NAV2: variants seen among roughly 807,000 people sequenced by gnomAD.
NAV2 encodes the protein helicase, APC down-regulated 1.
NAV2 carries 54 observed loss-of-function variants against 223.2 expected under a neutral mutation model. That is an observed-to-expected ratio of 0.24 (90% CI 0.19 to 0.30). The LOEUF (loss-of-function observed/expected upper bound fraction) is 0.30. NAV2 is among the 10% of genes least tolerant of loss of function. The probability of loss-of-function intolerance (pLI) is 1.00; values close to 1 mark genes in which losing one functional copy is unlikely to be tolerated. For synonymous variants in NAV2, 1,279 were observed against 1,239.3 expected, an observed-to-expected ratio of 1.03 and a Z score of -0.67; for missense variants, 2,806 against 3,147.5, an observed-to-expected ratio of 0.89 and a Z score of 2.60.
chr11:19,515,538 C>G (rs2043419867), intron 1 of NAV2, among the ~76,000 whole-genome samples: 1 of 152,182 alleles, frequency 6.6e-6, no homozygotes, highest in African/African-American at 2.4e-5. Flanking sequence ...TCCAATATAA[C>G]TTTCCAGTTT....
intron 1 of NAV2, among the ~76,000 whole-genome samples, chr11:19,428,127 GT>G (rs1850905757): frequency 6.6e-6 from 1 of 152,048 alleles, no homozygotes; most frequent in Non-Finnish European, 1.5e-5. Context: ...TTACAAATAC[GT>G]TTAAATCTTT....
At position 19,676,493 on chromosome 11, in the gene NAV2, A is replaced by T. The variant is rs564984386; in HGVS notation, c.76-155991A>T. Among the ~76,000 whole-genome samples, 859 of 141,692 alleles carry T rather than the reference A, an allele frequency of 6.1e-3. 6 individuals carry two copies. Among genetic ancestry groups the T allele is most frequent in the Non-Finnish European group, 0.01 (658 of 63,490 alleles). The allele number at this position is 141,692 out of a possible 152,430, so 93.0% of individuals were successfully genotyped here. On this transcript the variant is annotated intron_variant, in intron 1 of 37. Coordinates refer to the NAV2 transcript ENST00000360655. ...CTTACCTCTCCCTGAAAAAAAAAAA[A>T]TTTTTAGAAAGCAATTTCTGTGGCA...
At chr11:19,549,915 G>A (rs530716527) in intron 1 of NAV2, among the ~76,000 whole-genome samples, 1 of 152,340 alleles carries the variant, frequency 6.6e-6, no homozygotes, top group South Asian at 2.1e-4. Context: ...CTCTGGAGGG[G>A]CCCATTAACA....
At chr11:19,578,188 T>C (rs1437629779) in intron 1 of NAV2, among the ~76,000 whole-genome samples, 1 of 152,254 alleles carries the variant, frequency 6.6e-6, no homozygotes, top group Non-Finnish European at 1.5e-5. Flanking sequence ...AGAGTGCCTC[T>C]GCCTCCTCCG....
At chr11:19,706,054 T>A (rs1010372079) in intron 1 of NAV2, among the ~76,000 whole-genome samples, 1 of 152,244 alleles carries the variant, frequency 6.6e-6, no homozygotes, top group Non-Finnish European at 1.5e-5. Flanking sequence ...ATCTCAGACT[T>A]GGCACTAATA....
intron 1 of NAV2, among the ~76,000 whole-genome samples, chr11:19,401,258 C>A (rs1849673491): frequency 6.6e-6 from 1 of 152,130 alleles, no homozygotes; most frequent in Non-Finnish European, 1.5e-5. Flanking sequence ...ATTGAATGAC[C>A]AAATTTCTTT....
At chr11:19,571,539 G>A (rs2045424089) in intron 1 of NAV2, among the ~76,000 whole-genome samples, 2 of 151,974 alleles carry the variant, frequency 1.3e-5, no homozygotes, top group Admixed American at 6.6e-5. Flanking sequence ...AACCCCATCT[G>A]TACTAAAAAT....
intron 11 of NAV2, among the ~76,000 whole-genome samples, chr11:20,018,223 G>A (rs997113674): frequency 3.8e-4 from 57 of 151,958 alleles, no homozygotes; most frequent in South Asian, 6.2e-4. Flanking sequence ...GAATGGTGGT[G>A]CATGCCTGTA....
chr11:19,880,093 C>G lies in NAV2; in HGVS notation c.736C>G (p.Gln246Glu). ...PCQPHQPAPH[Q>E]QSKAQAEMQS... ...CCAGCCTCACCAGCCAGCGCCACAT[C>G]AGCAGTCAAAAGCACAAGCTGAAAT... is the stretch of plus-strand genomic sequence containing the variant. Residue 246 changes from glutamine (Q) to glutamate (E), a missense_variant, in exon 5 of 38, where the codon CAG becomes GAG. Coordinates refer to ENST00000349880, the MANE Select transcript of NAV2 (RefSeq NM_145117.5). The G allele has an allele frequency of 6.2e-7, 1 of 1,606,814 alleles. No individual in the cohort carries two copies. The highest frequency in any genetic ancestry group is 1.1e-5 in the South Asian group (1 of 90,390).
chr11:19,668,378 C>G (rs936382972), intron 1 of NAV2, among the ~76,000 whole-genome samples: 1 of 151,806 alleles, frequency 6.6e-6, no homozygotes, highest in Non-Finnish European at 1.5e-5. Context: ...ACTAAAAATA[C>G]AAAAATCAGC....
At chr11:19,454,584 G>A (rs1851897494) in intron 1 of NAV2, among the ~76,000 whole-genome samples, 1 of 152,152 alleles carries the variant, frequency 6.6e-6, no homozygotes, top group African/African-American at 2.4e-5. Flanking sequence ...CTTATTGACT[G>A]CTCACTGTTT....
intron 1 of NAV2, among the ~76,000 whole-genome samples, chr11:19,605,293 A>G (rs1183893106): frequency 6.6e-6 from 1 of 151,966 alleles, no homozygotes; most frequent in Admixed American, 6.6e-5. Context: ...ACTCATCTAG[A>G]TCTTTTGGTT....
rs557686596 is a variant in NAV2 at position 19,743,940 on chromosome 11, A to G, written c.267+29978A>G. On this transcript the variant is annotated intron_variant, in intron 1 of 37. Transcript: ENST00000349880. ...CTAAGCCCATCTCACAGGTACTCGG[A>G]GGAGGAGTCCTATTTGGGTTGTAGT... Among the ~76,000 whole-genome samples the G allele has an allele frequency of 2.0e-5, 3 of 152,338 alleles. No individual in the cohort carries two copies. In the East Asian group the frequency reaches 5.8e-4, roughly 29 times the overall value.
At chr11:19,943,215 AAT>A (rs2046551890) in intron 8 of NAV2, among the ~76,000 whole-genome samples, 1 of 152,202 alleles carries the variant, frequency 6.6e-6, no homozygotes, top group Non-Finnish European at 1.5e-5. Context: ...ATATACATAA[AAT>A]GTGGCCAAAT....
intron 1 of NAV2, chr11:19,385,085 C>T (rs1848985003): frequency 6.6e-6 from 1 of 152,128 alleles, no homozygotes; most frequent in Non-Finnish European, 1.5e-5. Flanking sequence ...AAAGAAGTTC[C>T]ACAGCCTTGA....
intron 1 of NAV2, among the ~76,000 whole-genome samples, chr11:19,658,444 G>A (rs2048185395): frequency 6.6e-6 from 1 of 152,162 alleles, no homozygotes; most frequent in South Asian, 2.1e-4. Context: ...CAGCTGGAAG[G>A]CAGGGGAACT....
intron 1 of NAV2, among the ~76,000 whole-genome samples, chr11:19,565,565 T>C (rs751872123): frequency 1.3e-5 from 2 of 152,166 alleles, no homozygotes; most frequent in Non-Finnish European, 2.9e-5. Flanking sequence ...GCATCACTGA[T>C]CTCTCCCTTA....
intron 1 of NAV2, among the ~76,000 whole-genome samples, chr11:19,645,551 C>G (rs1348051276): frequency 6.6e-6 from 1 of 151,962 alleles, no homozygotes; most frequent in Non-Finnish European, 1.5e-5. Flanking sequence ...GATAAGGATG[C>G]CAGATATTCA....
chr11:19,413,984 A>G (rs527674894), intron 1 of NAV2, among the ~76,000 whole-genome samples: 1 of 152,244 alleles, frequency 6.6e-6, no homozygotes, highest in Non-Finnish European at 1.5e-5. Flanking sequence ...TGTAAAGACC[A>G]TTGACACTAT....
Sources: gnomAD v4.1 joint callset for allele counts (sites outside exome capture counted in the v4.1 genomes callset) on GRCh38, gnomAD v4.1.1 for gene constraint, MANE v1.5 for transcripts, NCBI Gene and HGNC (gene_info 2026-07-23, HGNC 2026-07-21) for gene names.